Variants in ALCAM observed in about 807,000 individuals in gnomAD.
ALCAM encodes the protein activated leukocyte cell adhesion molecule, also known as CD166 antigen.
Under a neutral mutation model 70.9 loss-of-function variants are expected in ALCAM, and 30 were observed. That is an observed-to-expected ratio of 0.42 (90% CI 0.32 to 0.57). ALCAM has a LOEUF of 0.57. Among genes scored for constraint, ALCAM ranks in the 20% least tolerant of loss-of-function variants. The pLI, the probability that ALCAM is intolerant of heterozygous loss-of-function variation, is 0.11. For missense variants in ALCAM, 591 were observed against 695.1 expected, an observed-to-expected ratio of 0.85 and a Z score of 1.68; for synonymous variants, 249 against 242.5, an observed-to-expected ratio of 1.03 and a Z score of -0.25.
chr3:105,496,330 G>T (rs911650762), intron 1 of ALCAM, among the ~76,000 whole-genome samples: 1 of 151,622 alleles, frequency 6.6e-6, no homozygotes, highest in African/African-American at 2.4e-5. Context: ...AAGCCATTCA[G>T]AAAGGACTAA....
chr3:105,433,136 A>G (rs1451364162), intron 1 of ALCAM, among the ~76,000 whole-genome samples: 1 of 152,164 alleles, frequency 6.6e-6, no homozygotes, highest in Non-Finnish European at 1.5e-5. Context: ...TAATCAGGCT[A>G]CAAGGATTTC....
At chr3:105,499,651 G>T (rs1474597383) in intron 1 of ALCAM, among the ~76,000 whole-genome samples, 2 of 152,174 alleles carry the variant, frequency 1.3e-5, no homozygotes, top group Non-Finnish European at 2.9e-5. Context: ...TGCTGGGGCG[G>T]AGAGGTAGCT....
intron 1 of ALCAM, among the ~76,000 whole-genome samples, chr3:105,461,287 C>T (rs1559799570): frequency 6.6e-6 from 1 of 151,582 alleles, no homozygotes; most frequent in Non-Finnish European, 1.5e-5. Context: ...TATTTTTGTT[C>T]GTTCAATGTC....
intron 1 of ALCAM, among the ~76,000 whole-genome samples, chr3:105,394,809 G>A (rs1452559994): frequency 6.6e-6 from 1 of 151,842 alleles, no homozygotes; most frequent in Non-Finnish European, 1.5e-5. Context: ...AACAAGCATG[G>A]CAAACCAATG....
intron 1 of ALCAM, among the ~76,000 whole-genome samples, chr3:105,464,343 A>C (rs1043110598): frequency 1.9e-4 from 28 of 150,194 alleles, no homozygotes; most frequent in Non-Finnish European, 3.7e-4. Context: ...CAAAGAGTTT[A>C]GTTATGGGGG....
intron 1 of ALCAM, among the ~76,000 whole-genome samples, chr3:105,430,385 C>T (rs1249949547): frequency 6.6e-6 from 1 of 151,858 alleles, no homozygotes; most frequent in Non-Finnish European, 1.5e-5. Context: ...GTTGTTGAAA[C>T]TTTACATTTT....
At chr3:105,451,497 C>A (rs1937426792) in intron 1 of ALCAM, among the ~76,000 whole-genome samples, 1 of 151,910 alleles carries the variant, frequency 6.6e-6, no homozygotes, top group Non-Finnish European at 1.5e-5. Flanking sequence ...AACACAAGAA[C>A]ATGAAAAGTT....
At chr3:105,513,089 G>T in intron 1 of ALCAM, among the ~76,000 whole-genome samples, 1 of 129,986 alleles carries the variant, frequency 7.7e-6, no homozygotes, top group Non-Finnish European at 1.6e-5. Flanking sequence ...CCCCCCCAAA[G>T]CACCCCCTTC....
chr3:105,547,350 G>A, intron 10 of ALCAM, 40 bp from the exon 11 acceptor site: 2 of 1,579,418 alleles, frequency 1.3e-6, no homozygotes, highest in Non-Finnish European at 1.7e-6. Flanking sequence ...TTTCTTTTAT[G>A]ATCTCAGTTC....
chr3:105,445,352 T>G (rs1937269739), intron 1 of ALCAM, among the ~76,000 whole-genome samples: 2 of 152,156 alleles, frequency 1.3e-5, no homozygotes, highest in African/African-American at 4.8e-5. Context: ...AATGGAAAGA[T>G]ATTTTGTGCT....
At chr3:105,371,692 C>CA (rs1935236767) in intron 1 of ALCAM, among the ~76,000 whole-genome samples, 1 of 152,022 alleles carries the variant, frequency 6.6e-6, no homozygotes. Context: ...ATTCCAAACA[C>CA]ACTTCTTTCT....
At chr3:105,516,898 A>G (rs536948474) in intron 1 of ALCAM, among the ~76,000 whole-genome samples, 17 of 152,234 alleles carry the variant, frequency 1.1e-4, no homozygotes, top group African/African-American at 3.4e-4. Context: ...CTACAAAACC[A>G]TGAATAATTT....
At chr3:105,568,117 A>G (rs964545199) in intron 14 of ALCAM, among the ~76,000 whole-genome samples, 6 of 145,234 alleles carry the variant, frequency 4.1e-5, no homozygotes, top group African/African-American at 5.1e-5. Flanking sequence ...CTGGAGTGCA[A>G]TGGTACAATA....
At chr3:105,517,185 A>G (rs895278604) in intron 1 of ALCAM, among the ~76,000 whole-genome samples, 3 of 152,082 alleles carry the variant, frequency 2.0e-5, no homozygotes, top group African/African-American at 7.2e-5. Context: ...CACAGATGCA[A>G]GCCTTCAGTC....
chr3:105,569,064 T>C (rs1240470795), intron 14 of ALCAM, among the ~76,000 whole-genome samples: 5 of 150,404 alleles, frequency 3.3e-5, no homozygotes, highest in Non-Finnish European at 7.5e-5. Flanking sequence ...ATGTATTACA[T>C]TGTTGTTTTT....
intron 1 of ALCAM, among the ~76,000 whole-genome samples, chr3:105,476,374 C>T (rs2152605547): frequency 6.6e-6 from 1 of 152,168 alleles, no homozygotes; most frequent in African/African-American, 2.4e-5. Context: ...CAAATATATA[C>T]CTCTAAATCA....
intron 1 of ALCAM, among the ~76,000 whole-genome samples, chr3:105,426,170 T>A (rs1237994711): frequency 1.3e-5 from 2 of 151,846 alleles, no homozygotes; most frequent in African/African-American, 4.8e-5. Context: ...CTAGGACAAG[T>A]CATCTAAGCT....
chr3:105,500,801 A>G (rs1050906472), intron 1 of ALCAM, among the ~76,000 whole-genome samples: 1 of 152,196 alleles, frequency 6.6e-6, no homozygotes, highest in Non-Finnish European at 1.5e-5. Flanking sequence ...TTTCAAATGT[A>G]CATCTTGGAA....
intron 1 of ALCAM, among the ~76,000 whole-genome samples, chr3:105,510,020 C>T (rs1939194209): frequency 2.6e-5 from 4 of 151,978 alleles, no homozygotes; most frequent in South Asian, 2.1e-4. Context: ...TGGGTCAATA[C>T]GGTTATGATC....
Sources: allele counts gnomAD v4.1 joint callset (sites outside exome capture counted in the v4.1 genomes callset), GRCh38; gene constraint gnomAD v4.1.1; transcripts MANE v1.5; gene names NCBI Gene and HGNC (gene_info 2026-07-23, HGNC 2026-07-21).